The following CCDC157 variants were observed in gnomAD, a reference collection of about 807,000 sequenced individuals.
The protein encoded by CCDC157 is coiled-coil domain containing 157, also known as coiled-coil domain-containing protein 157.
In CCDC157, 60 loss-of-function variants were observed where a neutral mutation model predicts 70.9. The ratio of observed to expected loss-of-function variants is 0.85; its 90% CI spans 0.69 to 1.05. The LOEUF is 1.05. Among genes scored for constraint, CCDC157 ranks in the 50% least tolerant of loss-of-function variants. The probability of loss-of-function intolerance (pLI) is 0.00; values close to 1 mark genes in which losing one functional copy is unlikely to be tolerated. For missense variants in CCDC157, 943 were observed against 984.2 expected, an observed-to-expected ratio of 0.96 and a Z score of 0.56; for synonymous variants, 373 against 422.4, an observed-to-expected ratio of 0.88 and a Z score of 1.43.
At chr22:30,356,879 G>C (rs758419815), upstream of CCDC157, 5 of 1,133,192 alleles carry the variant, frequency 4.4e-6, no homozygotes, top group African/African-American at 3.2e-5. Context: ...TCAGTACGAC[G>C]AGCTCGCAAG....
At position 30,376,955 on chromosome 22, in the gene CCDC157, G is replaced by A; in HGVS notation, c.*210G>A. The A allele has an allele frequency of 1.7e-6, 1 of 601,474 alleles. No individual in the cohort carries two copies. The highest frequency in any genetic ancestry group is 2.9e-6 in the Non-Finnish European group (1 of 340,220). The allele number at this position is 601,474 out of a possible 1,614,324, so 37.3% of individuals were successfully genotyped here. A position where few individuals can be genotyped will look rare whatever the true frequency, so the allele number is the denominator to read the frequency against. ...AGAGTCCTGGCACTATGGGCCCTCA[G>A]TAAAAGGGGCCTTCCTGCTTCCCTC... On this transcript the variant is annotated 3_prime_UTR_variant, in exon 12 of 12. Coordinates refer to ENST00000338306, the MANE Select transcript of CCDC157 (RefSeq NM_001017437.5).
intron 2 of CCDC157, among the ~76,000 whole-genome samples, chr22:30,363,142 C>A (rs1179583393): frequency 6.6e-6 from 1 of 152,192 alleles, no homozygotes; most frequent in Non-Finnish European, 1.5e-5. Flanking sequence ...CCAGCTCACA[C>A]CCCAGCCCTG....
Position 30,377,998 on chromosome 22 carries a change from G to A in CCDC157, c.*1253G>A, listed in dbSNP as rs539778597. ...TTCTGCCGGTTCTGGGGAAGAATTG[G>A]CTTCCAAGCTCCACTTGTTGGCAGA... On this transcript the variant is annotated 3_prime_UTR_variant, in exon 12 of 12. Coordinates refer to ENST00000338306, the MANE Select transcript of CCDC157 (RefSeq NM_001017437.5). 208 of 403,486 alleles carry A rather than the reference G, an allele frequency of 5.2e-4. 1 individual carries two copies. The highest frequency in any genetic ancestry group is 3.5e-3 in the South Asian group (206 of 58,064). 25.0% of individuals were successfully genotyped at this position (403,486 alleles called of 1,614,324 possible). A position where few individuals can be genotyped will look rare whatever the true frequency, so the allele number is the denominator to read the frequency against.
chr22:30,376,204 G>T lies in CCDC157; in HGVS notation c.1858-55G>T, dbSNP rs182241360. Reference sequence around the variant, plus strand: ...CTGGCTACGACACCCTCTCTGTACAGTGGGGAGGGGACTCCTGGGCCCTTA... The same window carrying T: ...CTGGCTACGACACCCTCTCTGTACATTGGGGAGGGGACTCCTGGGCCCTTA... On this transcript the variant is annotated intron_variant, in intron 10 of 11. Transcript: ENST00000338306. 5 of 1,514,138 alleles carry T rather than the reference G, an allele frequency of 3.3e-6. No individual in the cohort carries two copies. In the African/African-American group the frequency reaches 6.9e-5, roughly 21 times the overall value. The allele number at this position is 1,514,138 out of a possible 1,614,324, so 93.8% of individuals were successfully genotyped here.
In CCDC157 at chr22:30,377,840, GCCCA is replaced by G. The variant is rs1449521611; in HGVS notation, c.*1098_*1101del. 3.1e-6 allele frequency: 1 copy of G among 318,174 alleles called. No homozygotes were observed. The highest frequency in any genetic ancestry group is 2.2e-5 in the African/African-American group (1 of 46,194). The allele number at this position is 318,174 out of a possible 1,614,324, so 19.7% of individuals were successfully genotyped here. A position where few individuals can be genotyped will look rare whatever the true frequency, so the allele number is the denominator to read the frequency against. ...TCACAGCTGAGTAGCTCTCTCAGGC[GCCCA>G]CCAACTCCGTGCCATGTATTCATTA... On this transcript the variant is annotated 3_prime_UTR_variant, in exon 12 of 12. Coordinates refer to ENST00000338306, the MANE Select transcript of CCDC157 (RefSeq NM_001017437.5).
chr22:30,374,094 A>T lies in CCDC157; in HGVS notation c.1672+3A>T, dbSNP rs917658930. 1 of 1,590,758 alleles carries T rather than the reference A, an allele frequency of 6.3e-7. No homozygotes were observed. The highest frequency in any genetic ancestry group is 8.5e-7 in the Non-Finnish European group (1 of 1,170,124). On this transcript the variant is annotated splice_donor_region_variant and intron_variant, in intron 9 of 11. Coordinates refer to ENST00000338306, the MANE Select transcript of CCDC157 (RefSeq NM_001017437.5). ...GCCCACCGAGACCCAGATCCATGGT[A>T]GGGGACTGGGGATGGTGCCAAGGGC... is the stretch of plus-strand genomic sequence containing the variant.
chr22:30,359,155 C>T (rs934665656), intron 1 of CCDC157, among the ~76,000 whole-genome samples: 1 of 152,194 alleles, frequency 6.6e-6, no homozygotes, highest in African/African-American at 2.4e-5. Context: ...TACACTTTCT[C>T]CCAGGTTGGG....
At chr22:30,366,342 G>A (rs1366283624) in intron 3 of CCDC157, 94 bp downstream of exon 3, 3 of 1,517,582 alleles carry the variant, frequency 2.0e-6, no homozygotes, top group Non-Finnish European at 2.7e-6. Flanking sequence ...AGGCAGGGGT[G>A]ATGTTGGAAC....
Position 30,374,290 on chromosome 22 carries a change from G to A in CCDC157, c.1672+199G>A, listed in dbSNP as rs1173676922. On this transcript the variant is annotated intron_variant, in intron 9 of 11. Coordinates refer to ENST00000338306, the MANE Select transcript of CCDC157 (RefSeq NM_001017437.5). ...GCGTCATCCACTCTGCATAGACAGG[G>A]ACGTGAAAGCCCAACAGTGATGTGA... The A allele has an allele frequency of 4.5e-6, 3 of 670,594 alleles. No homozygotes were observed. The African/African-American group carries it at 5.3e-5, about 12-fold the overall frequency. The allele number at this position is 670,594 out of a possible 1,614,324, so 41.5% of individuals were successfully genotyped here.
chr22:30,366,397 C>A, intron 3 of CCDC157, 149 bp downstream of exon 3: 2 of 904,752 alleles, frequency 2.2e-6, no homozygotes, highest in Non-Finnish European at 3.4e-6. Flanking sequence ...CAGCTCAGGA[C>A]TTTCAAAGTG....
chr22:30,360,377 C>T (rs976681042), intron 1 of CCDC157, among the ~76,000 whole-genome samples: 12 of 151,340 alleles, frequency 7.9e-5, no homozygotes, highest in African/African-American at 2.4e-4. Flanking sequence ...TTGTGGCGGG[C>T]GCCTGTAGTC....
At position 30,371,611 on chromosome 22, in the gene CCDC157, A is replaced by G. The variant is rs375013755; in HGVS notation, c.1046-39A>G. On this transcript the variant is annotated intron_variant, in intron 5 of 11. Coordinates refer to ENST00000338306, the MANE Select transcript of CCDC157 (RefSeq NM_001017437.5). Reference sequence around the variant, plus strand: ...GGCATGAAGGCCGCCGGCCAGGTCCATGGGACCCTCTGAAGGGCCTCTCTC... The same window carrying G: ...GGCATGAAGGCCGCCGGCCAGGTCCGTGGGACCCTCTGAAGGGCCTCTCTC... The G allele has an allele frequency of 2.7e-5, 43 of 1,565,340 alleles. No individual in the cohort carries two copies. The African/African-American group carries it at 4.1e-4, about 15-fold the overall frequency.
chr22:30,364,356 A>T (rs1306307129), intron 2 of CCDC157, among the ~76,000 whole-genome samples: 1 of 152,160 alleles, frequency 6.6e-6, no homozygotes, highest in Non-Finnish European at 1.5e-5. Context: ...AAGACAAAAA[A>T]AGTAAAAAAG....
chr22:30,375,332 G>T, intron 9 of CCDC157, 147 bp from the exon 10 acceptor site: 2 of 691,986 alleles, frequency 2.9e-6, no homozygotes, highest in Non-Finnish European at 2.5e-6. Context: ...TTCCCTGCAG[G>T]TTGGGGGACA....
chr22:30,364,442 A>G (rs1024181213), intron 2 of CCDC157, among the ~76,000 whole-genome samples: 1 of 152,248 alleles, frequency 6.6e-6, no homozygotes, highest in African/African-American at 2.4e-5. Flanking sequence ...TGTATTAAAT[A>G]ATCCTGAAAC....
intron 6 of CCDC157, 43 bp from the exon 7 acceptor site, chr22:30,372,032 G>A (rs766504356): frequency 5.3e-5 from 71 of 1,327,128 alleles, no homozygotes; most frequent in Middle Eastern, 5.2e-4. Context: ...GTAGTACAGC[G>A]CTCCCCTGCC....
chr22:30,360,226 G>A (rs1243014865), intron 1 of CCDC157, among the ~76,000 whole-genome samples: 2 of 152,182 alleles, frequency 1.3e-5, no homozygotes, highest in Non-Finnish European at 2.9e-5. Context: ...TTTACCTGCC[G>A]GGCGCGGTGG....
intron 10 of CCDC157, 86 bp downstream of exon 10, chr22:30,375,749 G>GAT: frequency 1.6e-6 from 2 of 1,228,750 alleles, no homozygotes; most frequent in East Asian, 2.5e-5. Context: ...GGGAACTTGT[G>GAT]GAGAGCCCAC....
Position 30,374,078 on chromosome 22 carries a change from G to C in CCDC157, c.1659G>C (p.Glu553Asp). The change falls in exon 9 of 12, where the codon GAG becomes GAC. Residue 553 changes from glutamate (E) to aspartate (D), a missense_variant. By Grantham distance (45) the Glu-to-Asp change is conservative. Transcript: ENST00000338306. ...TCCCAGACCTGCACAGGCCCACCGA[G>C]ACCCAGATCCATGGTAGGGGACTGG... The part of the protein sequence containing the change: ...VAFPDLHRPT[E>D]TQIHGGRSSS... 1 of 1,598,892 alleles carries C rather than the reference G, an allele frequency of 6.3e-7. No individual in the cohort carries two copies. The highest frequency in any genetic ancestry group is 8.5e-7 in the Non-Finnish European group (1 of 1,173,920).
Sources: allele counts gnomAD v4.1 joint callset (sites outside exome capture counted in the v4.1 genomes callset), GRCh38; gene constraint gnomAD v4.1.1; transcripts MANE v1.5; gene names NCBI Gene and HGNC (gene_info 2026-07-23, HGNC 2026-07-21).